Variants in IQSEC1 observed in about 807,000 individuals in gnomAD.
The protein encoded by IQSEC1 is IQ motif and Sec7 domain ArfGEF 1.
IQSEC1 carries 31 observed loss-of-function variants against 91.0 expected under a neutral mutation model. The observed-to-expected ratio is 0.34, with a 90% CI of 0.26 to 0.46. IQSEC1 has a LOEUF of 0.46. Ranked by LOEUF, IQSEC1 falls within the 20% of genes least tolerant of loss-of-function variation. The pLI is 1.00. For missense variants in IQSEC1, 1,388 were observed against 1,575.6 expected, an observed-to-expected ratio of 0.88 and a Z score of 2.02; for synonymous variants, 699 against 662.6, an observed-to-expected ratio of 1.05 and a Z score of -0.84.
intron 1 of IQSEC1, among the ~76,000 whole-genome samples, chr3:13,051,151 A>T (rs188462196): frequency 2.1e-3 from 326 of 152,276 alleles, no homozygotes; most frequent in African/African-American, 7.5e-3. Flanking sequence ...AGGCTCATGG[A>T]CACAGAGCTG....
chr3:12,930,805 G>A (rs1575947722), intron 3 of IQSEC1, among the ~76,000 whole-genome samples: 1 of 152,172 alleles, frequency 6.6e-6, no homozygotes, highest in Non-Finnish European at 1.5e-5. Flanking sequence ...TGGAGTGCCC[G>A]AGGATCTCCG....
intron 2 of IQSEC1, among the ~76,000 whole-genome samples, chr3:13,125,492 C>T (rs1706498326): frequency 6.6e-6 from 1 of 152,362 alleles, no homozygotes; most frequent in African/African-American, 2.4e-5. Flanking sequence ...AGGGCTTGGG[C>T]AGTGCTGGAG....
At chr3:12,914,824 G>T (rs1412571653) in intron 8 of IQSEC1, among the ~76,000 whole-genome samples, 1 of 152,072 alleles carries the variant, frequency 6.6e-6, no homozygotes, top group Non-Finnish European at 1.5e-5. Context: ...CAGGGCCTCA[G>T]AGGACACACC....
chr3:13,149,722 CCT>C (rs969591439), intron 2 of IQSEC1, among the ~76,000 whole-genome samples: 21 of 152,100 alleles, frequency 1.4e-4, no homozygotes, highest in African/African-American at 3.9e-4. Flanking sequence ...TCCCCCAACC[CCT>C]GTGTTCCCCT....
rs1228791257 is a variant in IQSEC1, at chr3:13,160,041, A to G, written c.302+4063T>C. 3.9e-5 allele frequency among the ~76,000 whole-genome samples: 6 copies of G among 152,302 alleles called. No individual in the cohort carries two copies. In the East Asian group the frequency reaches 1.2e-3, roughly 29 times the overall value. On this transcript the variant is annotated intron_variant, in intron 2 of 15. Coordinates refer to the IQSEC1 transcript ENST00000648114. ...CCCGGGGAACAATGAGCAAAGTCCT[A>G]CATTTGCAAAATGGTCAAAAAATGA...
intron 1 of IQSEC1, among the ~76,000 whole-genome samples, chr3:13,205,928 A>G (rs1694335703): frequency 9.3e-6 from 1 of 107,420 alleles, no homozygotes; most frequent in Non-Finnish European, 1.9e-5. Flanking sequence ...CCATCCCTCA[A>G]TCCACTTATC....
intron 1 of IQSEC1, chr3:13,047,525 G>A (rs1350803388): frequency 2.0e-6 from 2 of 985,114 alleles, no homozygotes; most frequent in Admixed American, 1.2e-4. Flanking sequence ...GGGAGCTCCT[G>A]AGGTGGCAAA....
At chr3:13,088,469 C>G (rs1705778784) in intron 2 of IQSEC1, among the ~76,000 whole-genome samples, 1 of 151,746 alleles carries the variant, frequency 6.6e-6, no homozygotes, top group South Asian at 2.1e-4. Context: ...CACCCACTCA[C>G]TCTCACTCCT....
At chr3:13,111,190 G>A (rs1214810515) in intron 2 of IQSEC1, among the ~76,000 whole-genome samples, 1 of 152,160 alleles carries the variant, frequency 6.6e-6, no homozygotes, top group South Asian at 2.1e-4. Flanking sequence ...CCTGACTTAC[G>A]TTTTCTGATC....
intron 1 of IQSEC1, among the ~76,000 whole-genome samples, chr3:13,041,668 C>T (rs987400793): frequency 3.3e-5 from 5 of 152,178 alleles, no homozygotes; most frequent in African/African-American, 7.2e-5. Flanking sequence ...AAGAACCTGC[C>T]GGAGGTATGA....
intron 1 of IQSEC1, among the ~76,000 whole-genome samples, chr3:13,196,241 G>A (rs1479627475): frequency 2.0e-5 from 3 of 152,146 alleles, no homozygotes; most frequent in East Asian, 3.8e-4. Flanking sequence ...AACATCGACC[G>A]AGACACGTTA....
rs115634241 is a variant in IQSEC1, at chr3:12,978,012, G to A, written c.24-36147C>T. Among the ~76,000 whole-genome samples the A allele has an allele frequency of 2.1e-3, 313 of 152,338 alleles. 2 individuals are homozygous for A. Among genetic ancestry groups the A allele is most frequent in the African/African-American group, 7.3e-3 (305 of 41,566 alleles). On this transcript the variant is annotated intron_variant, in intron 1 of 13. Transcript: ENST00000613206. ...CCCACCTACTATGTGTTAGGCACTA[G>A]GCATCTCAGAGGCTGCAGATGTGGG...
At chr3:12,902,042 T>TG (rs1694373656) in intron 13 of IQSEC1, among the ~76,000 whole-genome samples, 1 of 151,538 alleles carries the variant, frequency 6.6e-6, no homozygotes, top group South Asian at 2.1e-4. Flanking sequence ...CAGGGACAGG[T>TG]GGGGCTCAGA....
At position 13,045,306 on chromosome 3, in the gene IQSEC1, C is replaced by T. The variant is rs536150485; in HGVS notation, c.23+27686G>A. Among the ~76,000 whole-genome samples, 3 of 152,174 alleles carry T rather than the reference C, an allele frequency of 2.0e-5. No individual in the cohort carries two copies. The South Asian group carries it at 6.2e-4, about 31-fold the overall frequency. On this transcript the variant is annotated intron_variant, in intron 1 of 13. Coordinates refer to ENST00000613206, the MANE Select transcript of IQSEC1 (RefSeq NM_001134382.3). ...ACCACTTGACACGTTATGTTAAAAA[C>T]CAGTTTCTTTTTCTGCTTGCTGCCT...
chr3:13,126,859 T>G (rs1384209724), intron 2 of IQSEC1, among the ~76,000 whole-genome samples: 2 of 152,242 alleles, frequency 1.3e-5, no homozygotes, highest in Non-Finnish European at 2.9e-5. Context: ...CTTTTATAGA[T>G]CATGCTCTTG....
At chr3:12,929,841 A>T (rs1697510203) in intron 3 of IQSEC1, among the ~76,000 whole-genome samples, 1 of 152,196 alleles carries the variant, frequency 6.6e-6, no homozygotes, top group Non-Finnish European at 1.5e-5. Context: ...GTGTAGTCGG[A>T]GCCTCCTGGC....
chr3:12,987,060 G>A (rs1424514993), intron 1 of IQSEC1: 2 of 414,040 alleles, frequency 4.8e-6, no homozygotes, highest in Non-Finnish European at 9.6e-6. Flanking sequence ...CCACACAGAT[G>A]AGCTCCCTCA....
Position 13,228,541 on chromosome 3 carries a change from A to T in IQSEC1, c.272+54170T>A, listed in dbSNP as rs561891530. On this transcript the variant is annotated intron_variant, in intron 1 of 15. Coordinates refer to the IQSEC1 transcript ENST00000648114. ...AATCTTAGATTAAACTATTTCTTGC[A>T]ACTTTGAAAAGAAACCAAAATCTTA... 2.0e-5 allele frequency among the ~76,000 whole-genome samples: 3 copies of T among 152,392 alleles called. No individual in the cohort carries two copies. The East Asian group carries it at 5.8e-4, about 29-fold the overall frequency.
chr3:13,156,026 C>G (rs1300582300), intron 2 of IQSEC1, among the ~76,000 whole-genome samples: 1 of 150,296 alleles, frequency 6.7e-6, no homozygotes, highest in Non-Finnish European at 1.5e-5. Context: ...CAAGACCAGT[C>G]TGCCCAACAT....
Sources: allele counts gnomAD v4.1 joint callset (sites outside exome capture counted in the v4.1 genomes callset), GRCh38; gene constraint gnomAD v4.1.1; transcripts MANE v1.5; gene names NCBI Gene and HGNC (gene_info 2026-07-23, HGNC 2026-07-21).